ADD2: variants seen among roughly 807,000 people sequenced by gnomAD.
The protein encoded by ADD2 is beta-adducin.
ADD2 carries 23 observed loss-of-function variants against 83.0 expected under a neutral mutation model. The observed-to-expected ratio is 0.28, with a 90% confidence interval of 0.20 to 0.39. The LOEUF is 0.39. ADD2 is among the 10% of genes least tolerant of loss of function. ADD2 has a pLI of 1.00. For synonymous variants in ADD2, 375 were observed against 375.4 expected (o/e 1.00, Z 0.01); for missense variants, 758 against 944.9 (o/e 0.80, Z 2.59).
intron 10 of ADD2, among the ~76,000 whole-genome samples, chr2:70,681,488 AC>A (rs1486668435): frequency 6.6e-6 from 1 of 152,036 alleles, no homozygotes; most frequent in Admixed American, 6.6e-5. Flanking sequence ...AAAATCCCTA[AC>A]CTCTGAGGCT....
intron 1 of ADD2, among the ~76,000 whole-genome samples, chr2:70,766,984 G>A (rs1396988383): frequency 6.6e-6 from 1 of 152,094 alleles, no homozygotes; most frequent in Non-Finnish European, 1.5e-5. Context: ...TCTATTTTTA[G>A]TTTTGGGCAA....
chr2:70,741,502 T>C (rs1395818301), intron 1 of ADD2: 1 of 152,268 alleles, frequency 6.6e-6, no homozygotes, highest in Non-Finnish European at 1.5e-5. Context: ...ATGGATGCTA[T>C]TGTTCACCAG....
intron 1 of ADD2, among the ~76,000 whole-genome samples, chr2:70,754,708 T>C (rs926976313): frequency 6.6e-6 from 1 of 152,078 alleles, no homozygotes; most frequent in East Asian, 1.9e-4. Flanking sequence ...CACTTATCTC[T>C]CCTTCCACCC....
In ADD2 at chr2:70,683,774, CA is replaced by C; in HGVS notation, c.949-8del. 1 of 1,605,962 alleles carries C rather than the reference CA, an allele frequency of 6.2e-7. No homozygotes were observed. Among genetic ancestry groups the C allele is most frequent in the Non-Finnish European group, 8.5e-7 (1 of 1,173,648 alleles). On this transcript the variant is annotated splice_polypyrimidine_tract_variant and splice_region_variant and intron_variant, in intron 9 of 15. Coordinates refer to ENST00000264436, the MANE Select transcript of ADD2 (RefSeq NM_001617.4). ...CACTGGACAGAGCCGACACCTGTAG[CA>C]AAGAGCAGAGAGCCCTCAGCCCATG...
At chr2:70,692,335 T>A in intron 7 of ADD2, 68 bp downstream of exon 7, 3 of 1,445,186 alleles carry the variant, frequency 2.1e-6, no homozygotes, top group Non-Finnish European at 2.7e-6. Context: ...CTGTTTTAAG[T>A]GACGAGATTG....
intron 4 of ADD2, among the ~76,000 whole-genome samples, chr2:70,698,112 T>C (rs572578214): frequency 1.3e-5 from 2 of 152,326 alleles, no homozygotes; most frequent in African/African-American, 4.8e-5. Flanking sequence ...GAGGAGGGCA[T>C]GTCAAAAGCA....
intron 1 of ADD2, among the ~76,000 whole-genome samples, chr2:70,715,648 A>G (rs1177144203): frequency 6.6e-6 from 1 of 152,086 alleles, no homozygotes; most frequent in Non-Finnish European, 1.5e-5. Context: ...GTGAACCCGG[A>G]CATTAAAACA....
At chr2:70,704,611 A>G in intron 3 of ADD2, 152 bp from the exon 4 acceptor site, 1 of 792,122 alleles carries the variant, frequency 1.3e-6, no homozygotes, top group African/African-American at 1.7e-5. Context: ...GAGCAGTTCC[A>G]CTAGGACCTC....
intron 3 of ADD2, among the ~76,000 whole-genome samples, chr2:70,705,512 C>G (rs933652781): frequency 6.6e-6 from 1 of 152,220 alleles, no homozygotes; most frequent in Non-Finnish European, 1.5e-5. Context: ...GCCCCCCAAG[C>G]TCTTCCTCAG....
intron 1 of ADD2, among the ~76,000 whole-genome samples, chr2:70,725,515 G>A (rs1672944083): frequency 6.6e-6 from 1 of 152,126 alleles, no homozygotes; most frequent in Non-Finnish European, 1.5e-5. Context: ...ATCTCAAGAT[G>A]AAATAATCCT....
chr2:70,678,418 G>A (rs1372030989), intron 11 of ADD2, among the ~76,000 whole-genome samples: 2 of 152,162 alleles, frequency 1.3e-5, no homozygotes, highest in Non-Finnish European at 2.9e-5. Flanking sequence ...GTGGATGTGG[G>A]AGAAAGAAGC....
Position 70,706,618 on chromosome 2 carries a change from A to G in ADD2, c.-34-176T>C, listed in dbSNP as rs1198053741. Among the ~76,000 whole-genome samples the G allele has an allele frequency of 1.3e-5, 2 of 152,146 alleles. No homozygotes were observed. The highest frequency in any genetic ancestry group is 4.8e-5 in the African/African-American group (2 of 41,426). ...ACGCCAGCAGCGGCCCCATATACCC[A>G]TCTATAGGGGCGCTGCTGTGCCATG... On this transcript the variant is annotated intron_variant, in intron 2 of 15. Coordinates refer to ENST00000264436, the MANE Select transcript of ADD2 (RefSeq NM_001617.4). The surrounding 1 kb of genome is among the most constrained non-coding windows in gnomAD (Gnocchi z 5.0).
chr2:70,725,193 A>T (rs1282444876), intron 1 of ADD2, among the ~76,000 whole-genome samples: 1 of 152,230 alleles, frequency 6.6e-6, no homozygotes, highest in Non-Finnish European at 1.5e-5. Flanking sequence ...GGGTTCATCC[A>T]TGTAAAACAC....
intron 3 of ADD2, among the ~76,000 whole-genome samples, chr2:70,705,074 G>A (rs3771458): frequency 0.31 from 46,718 of 151,736 alleles, 7,512 homozygotes; most frequent in East Asian, 0.43. Context: ...CTGTAAAAGG[G>A]AAGAAGGAAG....
At chr2:70,688,684 T>C (rs6722771) in intron 8 of ADD2, among the ~76,000 whole-genome samples, 42,841 of 152,104 alleles carry the variant, frequency 0.28, 6,336 homozygotes, top group East Asian at 0.44. Flanking sequence ...GTCTTAGGTT[T>C]CTGCACCATA....
At chr2:70,675,289 TAA>T (rs1670077778) in intron 13 of ADD2, 5 of 995,888 alleles carry the variant, frequency 5.0e-6, no homozygotes, top group Non-Finnish European at 4.8e-6. Flanking sequence ...CACACAGCAT[TAA>T]GTTATATGCA....
chr2:70,767,712 C>T, intron 1 of ADD2, 174 bp downstream of exon 1: 3 of 1,425,364 alleles, frequency 2.1e-6, no homozygotes, highest in Non-Finnish European at 2.7e-6. Flanking sequence ...CACCAGAAAC[C>T]TTTAGGCGCA....
chr2:70,665,818 G>GTTT (rs36101912), intron 15 of ADD2, among the ~76,000 whole-genome samples: 5 of 144,432 alleles, frequency 3.5e-5, no homozygotes, highest in African/African-American at 1.3e-4. Context: ...TTGTTTTTTT[G>GTTT]TTTTTTTTTT....
chr2:70,694,677 G>A (rs1411375960), intron 6 of ADD2, among the ~76,000 whole-genome samples: 1 of 152,026 alleles, frequency 6.6e-6, no homozygotes, highest in East Asian at 1.9e-4. Context: ...TACCCCGCTG[G>A]TTCATATCCC....
Sources: allele counts gnomAD v4.1 joint callset (sites outside exome capture counted in the v4.1 genomes callset), GRCh38; gene constraint gnomAD v4.1.1; non-coding constraint Gnocchi (gnomAD v3.1); transcripts MANE v1.5; gene names NCBI Gene and HGNC (gene_info 2026-07-23, HGNC 2026-07-21).